The following RET variants were observed in gnomAD, a reference collection of about 807,000 sequenced individuals.
The protein encoded by RET is proto-oncogene tyrosine-protein kinase receptor Ret.
In RET, 19 loss-of-function variants were observed where a neutral mutation model predicts 118.3. The ratio of observed to expected loss-of-function variants is 0.16; its 90% CI spans 0.11 to 0.24. The LOEUF (loss-of-function observed/expected upper bound fraction) is 0.24, where lower values mean the gene tolerates loss of function less well. Ranked by LOEUF, RET falls within the 10% of genes least tolerant of loss-of-function variation. RET has a pLI of 1.00. For synonymous variants in RET, 597 were observed against 644.1 expected, an observed-to-expected ratio of 0.93 and a Z score of 1.11; for missense variants, 1,219 against 1,502.1, an observed-to-expected ratio of 0.81 and a Z score of 3.12.
chr10:43,119,501 A>G (rs1022885843), intron 13 of RET, 30 bp from the exon 14 acceptor site: 3 of 1,568,354 alleles, frequency 1.9e-6, no homozygotes, highest in Non-Finnish European at 2.6e-6. Context: ...CCTGACCCGC[A>G]CGCCCAGGGC....
chr10:43,129,404 T>C lies in RET; in HGVS notation c.*1135T>C, dbSNP rs1469643486. On this transcript the variant is annotated 3_prime_UTR_variant, in exon 20 of 20. Transcript: ENST00000355710. Reference sequence around the variant, plus strand: ...AGAGCCTGTGTGAAAGGCCCATGGATCAGCTCTTCCTGTGTTTGTAATTTA... The same window carrying C: ...AGAGCCTGTGTGAAAGGCCCATGGACCAGCTCTTCCTGTGTTTGTAATTTA... 1 of 233,670 alleles carries C rather than the reference T, an allele frequency of 4.3e-6. No individual in the cohort carries two copies. The highest frequency in any genetic ancestry group is 8.5e-6 in the Non-Finnish European group (1 of 118,090). The allele number at this position is 233,670 out of a possible 1,614,324, so 14.5% of individuals were successfully genotyped here. A position where few individuals can be genotyped will look rare whatever the true frequency, so the allele number is the denominator to read the frequency against.
intron 1 of RET, among the ~76,000 whole-genome samples, chr10:43,086,213 G>T (rs970498738): frequency 6.6e-6 from 1 of 152,320 alleles, no homozygotes; most frequent in African/African-American, 2.4e-5. Context: ...TGTGAGATGG[G>T]AATCCTCATG....
intron 19 of RET, chr10:43,127,389 TGGA>T: frequency 9.4e-7 from 1 of 1,061,458 alleles, no homozygotes; most frequent in Non-Finnish European, 1.1e-6. Flanking sequence ...GTGCTAAAGC[TGGA>T]GCAGTTGCTT....
chr10:43,118,651 G>C (rs1838131597), intron 13 of RET, among the ~76,000 whole-genome samples, 171 bp downstream of exon 13: 1 of 152,224 alleles, frequency 6.6e-6, no homozygotes, highest in African/African-American at 2.4e-5. Flanking sequence ...GTCTAGCTGA[G>C]TCCACGGGCT....
rs377767421 is a variant in RET, at chr10:43,119,594, G to A, written c.2456G>A (p.Ser819Asn). 6.2e-7 allele frequency: 1 copy of A among 1,612,318 alleles called. No individual in the cohort carries two copies. The highest frequency in any genetic ancestry group is 8.5e-7 in the Non-Finnish European group (1 of 1,179,898). Residue 819 changes from serine to asparagine, a missense_variant, in exon 14 of 20, where the codon AGC becomes AAC. Physicochemically the swap from Ser to Asn is conservative, Grantham distance 46 (BLOSUM62 1). Around this residue, in one of 5 missense-constraint regions of RET, gnomAD observed 850 missense variants for 969.6 expected, o/e 0.88. Coordinates refer to ENST00000355710, the MANE Select transcript of RET (RefSeq NM_020975.6). The part of the protein sequence containing the change: ...YGSLRGFLRE[S>N]RKVGPGYLGS... ...TCCCTGCGGGGCTTCCTCCGCGAGA[G>A]CCGCAAAGTGGGGCCTGGCTACCTG...
At chr10:43,122,077 G>A (rs2132988453) in intron 16 of RET, 61 bp downstream of exon 16, 2 of 1,339,224 alleles carry the variant, frequency 1.5e-6, no homozygotes, top group Non-Finnish European at 2.2e-6. Context: ...TACATGTAGT[G>A]GGGCCACGAC....
Position 43,104,159 on chromosome 10 carries a change from C to T in RET, c.626-793C>T, listed in dbSNP as rs940939179. Among the ~76,000 whole-genome samples, 17 of 152,134 alleles carry T rather than the reference C, an allele frequency of 1.1e-4. No individual in the cohort carries two copies. The East Asian group carries it at 1.7e-3, about 16-fold the overall frequency. On this transcript the variant is annotated intron_variant, in intron 3 of 19. Coordinates refer to ENST00000355710, the MANE Select transcript of RET (RefSeq NM_020975.6). The stretch of plus-strand genomic sequence containing the variant: ...GTGTAGAGTGGGGATGCACACTAGG[C>T]GGTCGGAAATCATTATGCGTTAATG...
intron 12 of RET, among the ~76,000 whole-genome samples, chr10:43,117,031 C>T (rs1390647410): frequency 2.0e-5 from 3 of 152,384 alleles, no homozygotes; most frequent in African/African-American, 7.2e-5. Context: ...CTGCCCCATT[C>T]ATTCCTCTCA....
intron 1 of RET, among the ~76,000 whole-genome samples, chr10:43,084,157 G>A (rs1837242997): frequency 6.6e-6 from 1 of 152,192 alleles, no homozygotes; most frequent in Non-Finnish European, 1.5e-5. Context: ...CCACCTTTTG[G>A]CAGTTATGAA....
In RET at chr10:43,129,939, T is replaced by A; in HGVS notation, c.*1670T>A. On this transcript the variant is annotated 3_prime_UTR_variant, in exon 20 of 20. Transcript: ENST00000355710. ...TTTTCAGATATGCTTAATGATAGTC[T>A]TACTAAATGCAGAAATAAGAATAAA... The A allele has an allele frequency of 2.5e-6, 1 of 399,042 alleles. No homozygotes were observed. Among genetic ancestry groups the A allele is most frequent in the Non-Finnish European group, 4.4e-6 (1 of 226,068 alleles). 24.7% of individuals were successfully genotyped at this position (399,042 alleles called of 1,614,324 possible). A position where few individuals can be genotyped will look rare whatever the true frequency, so the allele number is the denominator to read the frequency against.
At chr10:43,104,871 G>T in intron 3 of RET, 81 bp from the exon 4 acceptor site, 1 of 1,507,852 alleles carries the variant, frequency 6.6e-7, no homozygotes, top group Non-Finnish European at 8.8e-7. Context: ...CGCTCTGACC[G>T]CAGAGCCCCC....
rs1837922208 is a variant in RET, at chr10:43,111,396, G to A, written c.1453G>A (p.Val485Met). ...RPKCAELHYMVVATDQQTSRQ... is the reference protein window; with the variant it reads ...RPKCAELHYMMVATDQQTSRQ... ...CAAGTGTGCCGAACTTCACTACATG[G>A]TGGTGGCCACCGACCAGCAGACCTC... Residue 485 changes from valine (V) to methionine (M), a missense_variant, in exon 7 of 20, where the codon GTG (valine) becomes ATG (methionine). By Grantham distance (21) the Val-to-Met change is conservative. This residue lies in a region of RET where 850 missense variants were observed against 969.6 expected (regional missense o/e 0.88). Transcript: ENST00000355710. The A allele has an allele frequency of 1.2e-6, 2 of 1,613,886 alleles. No homozygotes were observed. Among genetic ancestry groups the A allele is most frequent in the Non-Finnish European group, 1.7e-6 (2 of 1,180,036 alleles).
rs1047850811 is a variant in RET at position 43,128,768 on chromosome 10, G to C, written c.*499G>C. The stretch of plus-strand genomic sequence containing the variant: ...TTCAGAATGAGAGACTGCGGGGGGG[G>C]CCTGGGGGTAGTGTCAATGCCCCTC... On this transcript the variant is annotated 3_prime_UTR_variant, in exon 20 of 20. Transcript: ENST00000355710. 2 of 284,640 alleles carry C rather than the reference G, an allele frequency of 7.0e-6. No individual in the cohort carries two copies. The highest frequency in any genetic ancestry group is 1.0e-4 in the East Asian group (2 of 19,238). The allele number at this position is 284,640 out of a possible 1,614,324, so 17.6% of individuals were successfully genotyped here. A position where few individuals can be genotyped will look rare whatever the true frequency, so the allele number is the denominator to read the frequency against.
intron 12 of RET, 43 bp downstream of exon 12, chr10:43,116,774 G>A (rs773309931): frequency 3.4e-5 from 48 of 1,401,328 alleles, no homozygotes; most frequent in South Asian, 1.9e-4. Context: ...GGGAGTCTCC[G>A]GGGCGGGGGG....
At chr10:43,093,440 T>G (rs1837450785) in intron 1 of RET, among the ~76,000 whole-genome samples, 1 of 150,990 alleles carries the variant, frequency 6.6e-6, no homozygotes, top group Non-Finnish European at 1.5e-5. Flanking sequence ...CAATTTGGGG[T>G]GAGGAGGGGC....
chr10:43,120,982 G>C (rs183077433), intron 15 of RET, among the ~76,000 whole-genome samples: 3 of 152,244 alleles, frequency 2.0e-5, no homozygotes, highest in Admixed American at 6.5e-5. Flanking sequence ...CTATGATTCA[G>C]CTTTGCTCTG....
intron 1 of RET, among the ~76,000 whole-genome samples, chr10:43,088,168 G>C (rs1837331366): frequency 6.6e-6 from 1 of 151,996 alleles, no homozygotes; most frequent in Non-Finnish European, 1.5e-5. Context: ...GGTGCTGGTG[G>C]AGGCAACGGT....
intron 1 of RET, among the ~76,000 whole-genome samples, chr10:43,079,288 A>T (rs570988775): frequency 6.6e-6 from 1 of 152,040 alleles, no homozygotes; most frequent in Non-Finnish European, 1.5e-5. Context: ...ACCCTGCCTC[A>T]CCCACGTCCA....
Position 43,120,144 on chromosome 10 carries a change from T to G in RET, c.2671T>G (p.Ser891Ala), listed in dbSNP as rs75234356. The change falls in exon 15 of 20, where the codon TCG becomes GCG. Residue 891 changes from serine (S) to alanine (A), a missense_variant. This residue lies in a region of RET where 73 missense variants were observed against 156.5 expected (regional missense o/e 0.47). Transcript: ENST00000355710. ...LVAEGRKMKI[S>A]DFGLSRDVYE... ...AGCTGAGGGGCGGAAGATGAAGATT[T>G]CGGATTTCGGCTTGTCCCGAGATGT... The G allele has an allele frequency of 8.7e-6, 14 of 1,613,876 alleles. No individual in the cohort carries two copies. Among genetic ancestry groups the G allele is most frequent in the Admixed American group, 5.0e-5 (3 of 59,994 alleles).
Sources: gnomAD v4.1 joint callset for allele counts (sites outside exome capture counted in the v4.1 genomes callset) on GRCh38, gnomAD v4.1.1 for gene constraint, gnomAD v4.1.1 regional missense constraint, MANE v1.5 for transcripts, NCBI Gene and HGNC (gene_info 2026-07-23, HGNC 2026-07-21) for gene names.